Variants in ZNF141 observed in about 807,000 individuals in gnomAD.
ZNF141 encodes zinc finger protein 141.
A neutral mutation model predicts 11.3 loss-of-function variants in ZNF141; 7 were observed. The ratio of observed to expected loss-of-function variants is 0.62; its 90% CI spans 0.35 to 1.16. ZNF141 has a LOEUF of 1.16. Among genes scored for constraint, ZNF141 ranks in the 50% most tolerant of loss-of-function variants. The probability of loss-of-function intolerance (pLI) is 0.02; values close to 1 mark genes in which losing one functional copy is unlikely to be tolerated. For synonymous variants in ZNF141, 183 were observed against 190.7 expected (o/e 0.96, Z 0.33); for missense variants, 535 against 554.0 (o/e 0.97, Z 0.34).
chr4:346,893 A>ACACACACACACAC lies in ZNF141; in HGVS notation c.226+2464_226+2465insACACACACACACC, dbSNP rs373224939. ...TATATATGTATACACACACACACAC[A>ACACACACACACAC]CCGCCCCCCCCATATATTGGCTACT... On this transcript the variant is annotated intron_variant, in intron 3 of 3. Transcript: ENST00000240499. 3.0e-3 allele frequency among the ~76,000 whole-genome samples: 410 copies of ACACACACACACAC among 135,450 alleles called. 13 individuals are homozygous for ACACACACACACAC. Among genetic ancestry groups the ACACACACACACAC allele is most frequent in the African/African-American group, 0.012 (371 of 31,342 alleles). 88.9% of individuals were successfully genotyped at this position (135,450 alleles called of 152,430 possible).
chr4:362,440 T>C (rs1341109196), intron 3 of ZNF141, among the ~76,000 whole-genome samples: 1 of 152,238 alleles, frequency 6.6e-6, no homozygotes, highest in African/African-American at 2.4e-5. Context: ...GTTTTAGTCA[T>C]GAAGTACTTG....
At position 337,963 on chromosome 4, in the gene ZNF141, G is replaced by C. The variant is rs1252729513; in HGVS notation, c.-21G>C. The C allele has an allele frequency of 9.9e-6, 16 of 1,612,750 alleles. No homozygotes were observed. The highest frequency in any genetic ancestry group is 1.0e-5 in the Non-Finnish European group (12 of 1,179,178). On this transcript the variant is annotated 5_prime_UTR_variant, in exon 1 of 4. Transcript: ENST00000240499. ...TGGATGATTGGTAGCTAAGACTCCCGAATACTTCAGAAGTGGGGAAATGGT... is the reference window on the plus strand; with the variant it reads ...TGGATGATTGGTAGCTAAGACTCCCCAATACTTCAGAAGTGGGGAAATGGT...
Position 381,275 on chromosome 4 carries a change from G to C in ZNF141, c.*7413G>C, listed in dbSNP as rs1021321157. Among the ~76,000 whole-genome samples, 1 of 151,434 alleles carries C rather than the reference G, an allele frequency of 6.6e-6. No individual in the cohort carries two copies. Among genetic ancestry groups the C allele is most frequent in the African/African-American group, 2.4e-5 (1 of 41,168 alleles). ...TGGCTCCCCAAATAGGTTTTTATTT[G>C]TTTATAAAACTTTAAATTTATCTCT... On this transcript the variant is annotated 3_prime_UTR_variant, in exon 4 of 4. Transcript: ENST00000240499.
In ZNF141 at chr4:379,487, G is replaced by A. The variant is rs1231315981; in HGVS notation, c.*5625G>A. Among the ~76,000 whole-genome samples, 6 of 152,306 alleles carry A rather than the reference G, an allele frequency of 3.9e-5. No homozygotes were observed. The highest frequency in any genetic ancestry group is 1.4e-4 in the African/African-American group (6 of 41,554). ...CCTCTCAGGTTCAGGCGATTCTCCT[G>A]CCTCAGCCTCCTTATTAGCTGGCAT... On this transcript the variant is annotated 3_prime_UTR_variant, in exon 4 of 4. Transcript: ENST00000240499.
Position 374,389 on chromosome 4 carries a change from G to A in ZNF141, c.*527G>A. On this transcript the variant is annotated 3_prime_UTR_variant, in exon 4 of 4. Transcript: ENST00000240499. ...AAATGCTTCACATGCGAAGAATGTG[G>A]CACAGTCTTTACCACATCCTCAAAC... 1 of 357,848 alleles carries A rather than the reference G, an allele frequency of 2.8e-6. No individual in the cohort carries two copies. Among genetic ancestry groups the A allele is most frequent in the Non-Finnish European group, 5.6e-6 (1 of 177,018 alleles). The allele number at this position is 357,848 out of a possible 1,614,324, so 22.2% of individuals were successfully genotyped here.
rs1283105518 is a variant in ZNF141 at position 381,110 on chromosome 4, A to G, written c.*7248A>G. Among the ~76,000 whole-genome samples, 1 of 152,184 alleles carries G rather than the reference A, an allele frequency of 6.6e-6. No individual in the cohort carries two copies. The highest frequency in any genetic ancestry group is 1.5e-5 in the Non-Finnish European group (1 of 68,038). On this transcript the variant is annotated 3_prime_UTR_variant, in exon 4 of 4. Coordinates refer to ENST00000240499, the MANE Select transcript of ZNF141 (RefSeq NM_003441.4). ...GTAATGTAATTAAATATTATTTACT[A>G]CAAACTCACATAGTACATTATGACT... is the stretch of plus-strand genomic sequence containing the variant.
intron 3 of ZNF141, among the ~76,000 whole-genome samples, chr4:366,357 G>A (rs2108719374): frequency 6.6e-6 from 1 of 152,312 alleles, no homozygotes; most frequent in East Asian, 1.9e-4. Flanking sequence ...TGCCCAGGCT[G>A]GAGTGCAATG....
intron 3 of ZNF141, among the ~76,000 whole-genome samples, chr4:356,618 T>C (rs1256879134): frequency 1.3e-5 from 2 of 152,184 alleles, no homozygotes; most frequent in African/African-American, 4.8e-5. Context: ...GACCAAGGCC[T>C]CACTTAATTT....
chr4:338,633 T>C (rs1296710968), intron 1 of ZNF141: 2 of 153,202 alleles, frequency 1.3e-5, no homozygotes, highest in African/African-American at 4.8e-5. Flanking sequence ...TTCTGTCATA[T>C]TATTGAACTT....
chr4:344,026 G>A (rs1721192991), intron 2 of ZNF141, 118 bp downstream of exon 2: 1 of 1,362,688 alleles, frequency 7.3e-7, no homozygotes, highest in African/African-American at 1.5e-5. Flanking sequence ...CTCTTTTCTT[G>A]AGCTAATTTG....
chr4:376,264 A>G lies in ZNF141; in HGVS notation c.*2402A>G, dbSNP rs1553854641. On this transcript the variant is annotated 3_prime_UTR_variant, in exon 4 of 4. Transcript: ENST00000240499. ...TTTTTCCAGTGGCTTTAAATAGCAA[A>G]TACATTGAAGAATATCATTCCCATA... Among the ~76,000 whole-genome samples, 2 of 152,052 alleles carry G rather than the reference A, an allele frequency of 1.3e-5. No homozygotes were observed. Among genetic ancestry groups the G allele is most frequent in the African/African-American group, 4.8e-5 (2 of 41,454 alleles).
At chr4:369,893 A>G (rs1711972258) in intron 3 of ZNF141, among the ~76,000 whole-genome samples, 1 of 149,576 alleles carries the variant, frequency 6.7e-6, no homozygotes, top group Admixed American at 6.7e-5. Context: ...CAGCCTCCTG[A>G]GTAGCTGGGA....
Position 373,666 on chromosome 4 carries a change from G to T in ZNF141, c.1229G>T (p.Arg410Leu). ...CGKAFRRSTD[R>L]SQHKKIHSAD... ...AAAGCCTTTAGACGGTCCACAGATC[G>T]GAGTCAACATAAGAAAATTCATAGT... The change falls in exon 4 of 4, where the codon CGG becomes CTG. Residue 410 changes from arginine to leucine, a missense_variant. Transcript: ENST00000240499. 6.2e-7 allele frequency: 1 copy of T among 1,613,256 alleles called. No homozygotes were observed.
In ZNF141 at chr4:337,874, G is replaced by A. The variant is rs1470847016; in HGVS notation, c.-110G>A. The stretch of plus-strand genomic sequence containing the variant: ...GGGGCTTCATCTCTCTGCGTTCTCA[G>A]TTGTGGGAGGCCTTGGTGATTCGGC... On this transcript the variant is annotated 5_prime_UTR_variant, in exon 1 of 4. Transcript: ENST00000240499. 7.1e-7 allele frequency: 1 copy of A among 1,417,802 alleles called. No homozygotes were observed. Among genetic ancestry groups the A allele is most frequent in the Non-Finnish European group, 9.7e-7 (1 of 1,030,708 alleles). The allele number at this position is 1,417,802 out of a possible 1,614,324, so 87.8% of individuals were successfully genotyped here.
intron 1 of ZNF141, among the ~76,000 whole-genome samples, chr4:343,578 A>C (rs893406670): frequency 6.6e-6 from 1 of 151,954 alleles, no homozygotes; most frequent in African/African-American, 2.4e-5. Flanking sequence ...ACAAAAAATC[A>C]GCTGGGCGTG....
intron 3 of ZNF141, among the ~76,000 whole-genome samples, chr4:347,547 G>A (rs782659905): frequency 6.6e-6 from 1 of 151,394 alleles, no homozygotes; most frequent in Non-Finnish European, 1.5e-5. Context: ...CGCTGTGTTA[G>A]CCAGGATGGT....
chr4:353,466 A>ATTT (rs200906693), intron 3 of ZNF141, among the ~76,000 whole-genome samples: 2 of 134,596 alleles, frequency 1.5e-5, no homozygotes, highest in African/African-American at 2.8e-5. Flanking sequence ...TATTATTATT[A>ATTT]TTTTTTTTTT....
chr4:373,165 C>G lies in ZNF141; in HGVS notation c.728C>G (p.Ala243Gly), dbSNP rs1458227522. ...GSIFTTSSHF[A>G]KHKIIHTGEK... is the part of the protein sequence containing the mutation. ...ATCTTTACCACATCCTCACACTTTG[C>G]TAAGCATAAAATAATTCATACTGGA... Residue 243 changes from alanine to glycine, a missense_variant, in exon 4 of 4, where the codon GCT becomes GGT. Coordinates refer to ENST00000240499, the MANE Select transcript of ZNF141 (RefSeq NM_003441.4). 6.2e-7 allele frequency: 1 copy of G among 1,613,794 alleles called. No individual in the cohort carries two copies. The highest frequency in any genetic ancestry group is 1.7e-5 in the Admixed American group (1 of 59,988).
At chr4:357,413 T>C (rs1412791219) in intron 3 of ZNF141, among the ~76,000 whole-genome samples, 3 of 148,740 alleles carry the variant, frequency 2.0e-5, no homozygotes, top group South Asian at 2.1e-4. Flanking sequence ...AGTGAGACTC[T>C]GTCTCAAAAA....
Sources: gnomAD v4.1 joint callset for allele counts (sites outside exome capture counted in the v4.1 genomes callset) on GRCh38, gnomAD v4.1.1 for gene constraint, MANE v1.5 for transcripts, NCBI Gene and HGNC (gene_info 2026-07-23, HGNC 2026-07-21) for gene names.